The following FAM149A variants were observed in gnomAD, a reference collection of about 807,000 sequenced individuals.
The protein encoded by FAM149A is protein FAM149A.
In FAM149A, 71 loss-of-function variants were observed where a neutral mutation model predicts 78.2. The observed-to-expected ratio is 0.91, with a 90% CI of 0.75 to 1.11. The LOEUF (loss-of-function observed/expected upper bound fraction) is 1.11, where lower values mean the gene tolerates loss of function less well. FAM149A is among the 50% of genes least tolerant of loss of function. The pLI, the probability that FAM149A is intolerant of heterozygous loss-of-function variation, is 0.00. For synonymous variants in FAM149A, 446 were observed against 410.5 expected (o/e 1.09, Z -1.04); for missense variants, 1,036 against 971.0 (o/e 1.07, Z -0.89).
At chr4:186,132,349 C>G (rs1310281060) in intron 1 of FAM149A, 5 of 461,846 alleles carry the variant, frequency 1.1e-5, no homozygotes, top group African/African-American at 2.1e-5. Context: ...AAACAGTGGG[C>G]CATGGGAGCC....
At chr4:186,150,448 C>T (rs1182880560) in intron 3 of FAM149A, among the ~76,000 whole-genome samples, 2 of 98,996 alleles carry the variant, frequency 2.0e-5, no homozygotes, top group African/African-American at 3.8e-5. Flanking sequence ...GAGACGGAGT[C>T]TCGCTCTGTC....
intron 1 of FAM149A, chr4:186,127,517 T>C: frequency 1.0e-6 from 1 of 985,456 alleles, no homozygotes; most frequent in Non-Finnish European, 1.2e-6. Flanking sequence ...CTAGTGGCTT[T>C]CAACGTTTGT....
intron 4 of FAM149A, chr4:186,153,334 C>T (rs2126477726): frequency 1.1e-6 from 1 of 928,198 alleles, no homozygotes; most frequent in Non-Finnish European, 1.3e-6. Context: ...GCCTTAGACA[C>T]CTGAGTCTGT....
At chr4:186,112,334 G>A (rs1271983143) in intron 1 of FAM149A, among the ~76,000 whole-genome samples, 74 of 143,112 alleles carry the variant, frequency 5.2e-4, no homozygotes, top group African/African-American at 1.5e-3. Context: ...CAATCATGTC[G>A]TCTGCAAACA....
intron 1 of FAM149A, chr4:186,126,043 G>A (rs1229753800): frequency 3.0e-6 from 3 of 985,232 alleles, no homozygotes; most frequent in Non-Finnish European, 3.6e-6. Flanking sequence ...ATTCCTGTTT[G>A]GGTGGTGTTT....
At chr4:186,130,057 T>C (rs1400325553) in intron 1 of FAM149A, 1 of 152,134 alleles carries the variant, frequency 6.6e-6, no homozygotes, top group Non-Finnish European at 1.5e-5. Context: ...AGCTAATGTC[T>C]GCTGCCAAGG....
chr4:186,131,314 C>G (rs867953738), intron 1 of FAM149A, among the ~76,000 whole-genome samples: 2 of 151,402 alleles, frequency 1.3e-5, no homozygotes. Flanking sequence ...TGCCACTGCA[C>G]TCCAGTCTGG....
chr4:186,161,540 A>T (rs559829471), intron 8 of FAM149A, among the ~76,000 whole-genome samples: 1 of 152,290 alleles, frequency 6.6e-6, no homozygotes, highest in African/African-American at 2.4e-5. Context: ...AACATTTCCC[A>T]CTTAAAAAAA....
intron 1 of FAM149A, among the ~76,000 whole-genome samples, chr4:186,139,101 T>A (rs7686244): frequency 0.36 from 55,016 of 152,074 alleles, 10,297 homozygotes; most frequent in Middle Eastern, 0.53. Flanking sequence ...ATGTATTTTG[T>A]TACTCAGGTT....
chr4:186,123,013 C>T (rs1222248729), intron 1 of FAM149A, among the ~76,000 whole-genome samples: 1 of 152,054 alleles, frequency 6.6e-6, no homozygotes. Flanking sequence ...ATGATAGAGC[C>T]TAGAAGGAAA....
intron 1 of FAM149A, chr4:186,125,927 C>T (rs2099318152): frequency 1.0e-6 from 1 of 985,196 alleles, no homozygotes; most frequent in Non-Finnish European, 1.2e-6. Context: ...CTCGCACTGG[C>T]AAGAGCGCGA....
At chr4:186,162,791 G>C (rs1158323486) in intron 8 of FAM149A, 54 bp from the exon 9 acceptor site, 2 of 960,904 alleles carry the variant, frequency 2.1e-6, no homozygotes, top group African/African-American at 1.7e-5. Context: ...CATTGGAACG[G>C]CACTGGGCAT....
At chr4:186,149,986 C>T (rs1326342948) in intron 3 of FAM149A, among the ~76,000 whole-genome samples, 1 of 152,206 alleles carries the variant, frequency 6.6e-6, no homozygotes, top group Non-Finnish European at 1.5e-5. Flanking sequence ...CTCCTTGTGA[C>T]TTCTTGGATG....
chr4:186,142,835 A>G (rs1029546234), intron 1 of FAM149A, among the ~76,000 whole-genome samples: 1 of 152,084 alleles, frequency 6.6e-6, no homozygotes, highest in African/African-American at 2.4e-5. Flanking sequence ...GAAACACTCA[A>G]CCTGCCGCAA....
At chr4:186,130,263 A>ATCTCTCCCTCTC (rs2099320022) in intron 1 of FAM149A, 1 of 67,098 alleles carries the variant, frequency 1.5e-5, no homozygotes, top group Non-Finnish European at 2.8e-5. Flanking sequence ...ACTTTATGAA[A>ATCTCTCCCTCTC]TCTCTCTCTC....
chr4:186,131,618 G>A (rs2126358340), intron 1 of FAM149A, among the ~76,000 whole-genome samples: 1 of 152,286 alleles, frequency 6.6e-6, no homozygotes. Context: ...AAATAGTGCG[G>A]AACCAACTGT....
chr4:186,169,399 C>T (rs780485624), intron 13 of FAM149A: 32 of 985,280 alleles, frequency 3.2e-5, no homozygotes, highest in South Asian at 9.4e-5. Context: ...CCCATGCAGA[C>T]GTCCCCAGGC....
rs1167002488 is a variant in FAM149A at position 186,144,909 on chromosome 4, CT to C, written c.567-4263del. ...CCCGGGCGCGCCCGGGCCGCCTGAGCTGGGCCAGCCGCGCGGCGGGCGCGGG... is the reference window on the plus strand; with the variant it reads ...CCCGGGCGCGCCCGGGCCGCCTGAGCGGGCCAGCCGCGCGGCGGGCGCGGG... On this transcript the variant is annotated intron_variant, in intron 1 of 13. Transcript: ENST00000389354. The surrounding 1 kb of genome is among the most constrained non-coding windows in gnomAD (Gnocchi z 4.2). 2.2e-5 allele frequency: 21 copies of C among 969,718 alleles called. No homozygotes were observed. The highest frequency in any genetic ancestry group is 3.7e-5 in the African/African-American group (2 of 53,758). The allele number at this position is 969,718 out of a possible 1,614,324, so 60.1% of individuals were successfully genotyped here.
chr4:186,156,501 C>T (rs992365113), intron 7 of FAM149A, among the ~76,000 whole-genome samples: 7 of 152,152 alleles, frequency 4.6e-5, no homozygotes, highest in African/African-American at 1.7e-4. Flanking sequence ...TGATGAAAGC[C>T]TACCTCTACT....
Sources: allele counts gnomAD v4.1 joint callset (sites outside exome capture counted in the v4.1 genomes callset), GRCh38; gene constraint gnomAD v4.1.1; non-coding constraint Gnocchi (gnomAD v3.1); transcripts MANE v1.5; gene names NCBI Gene and HGNC (gene_info 2026-07-23, HGNC 2026-07-21).